Variants in PIK3R3 observed in about 807,000 individuals in gnomAD.
The protein encoded by PIK3R3 is phosphoinositide-3-kinase regulatory subunit 3.
In PIK3R3, 64 loss-of-function variants were observed where a neutral mutation model predicts 62.9. The observed-to-expected ratio is 1.02, with a 90% CI of 0.83 to 1.25. The LOEUF (loss-of-function observed/expected upper bound fraction) is 1.25, where lower values mean the gene tolerates loss of function less well. Among genes scored for constraint, PIK3R3 ranks in the 50% most tolerant of loss-of-function variants. The pLI is 0.00. For synonymous variants in PIK3R3, 165 were observed against 189.0 expected (o/e 0.87, Z 1.04); for missense variants, 614 against 561.6 (o/e 1.09, Z -0.94).
chr1:46,158,437 C>T, the PIK3R3 span, among the ~76,000 whole-genome samples: 1 of 152,374 alleles, frequency 6.6e-6, no homozygotes, highest in African/African-American at 2.4e-5. Flanking sequence ...TTCATCCACC[C>T]TCAGAGGTCA....
At chr1:46,144,892 A>G in the PIK3R3 span, among the ~76,000 whole-genome samples, 2 of 152,064 alleles carry the variant, frequency 1.3e-5, no homozygotes, top group African/African-American at 4.8e-5. Context: ...TGGAAGGCTG[A>G]GGCGGGTAGA....
rs1440134673 is a variant in PIK3R3 at position 46,046,546 on chromosome 1, C to T, written c.1016+5G>A. 1 of 1,596,388 alleles carries T rather than the reference C, an allele frequency of 6.3e-7. No homozygotes were observed. The highest frequency in any genetic ancestry group is 8.6e-7 in the Non-Finnish European group (1 of 1,163,796). ...CTCTGACAGAAAGGTATAGAGAGAA[C>T]TTACTCATCAGCATCCTCATTCTTA... On this transcript the variant is annotated splice_donor_5th_base_variant and intron_variant, in intron 8 of 9. Coordinates refer to ENST00000262741, the MANE Select transcript of PIK3R3 (RefSeq NM_003629.4).
chr1:46,132,937 C>A (rs1228814600), upstream of PIK3R3: 2 of 1,162,420 alleles, frequency 1.7e-6, no homozygotes, highest in African/African-American at 1.6e-5. Context: ...GGGCGCTGGC[C>A]GCACTCCAGG....
At chr1:46,117,295 T>C (rs1008993671) in intron 1 of PIK3R3, among the ~76,000 whole-genome samples, 3 of 152,096 alleles carry the variant, frequency 2.0e-5, no homozygotes, top group Non-Finnish European at 2.9e-5. Flanking sequence ...TAGCTAGGTA[T>C]GGTGGCACGC....
intron 1 of PIK3R3, among the ~76,000 whole-genome samples, chr1:46,092,760 CAGTA>C (rs1490793123): frequency 6.6e-6 from 1 of 152,092 alleles, no homozygotes; most frequent in Admixed American, 6.6e-5. Context: ...TCTTTCACCT[CAGTA>C]AGACCTCTAA....
chr1:46,164,310 A>G, the PIK3R3 span, among the ~76,000 whole-genome samples: 1 of 152,040 alleles, frequency 6.6e-6, no homozygotes. Context: ...CTCAATTCCC[A>G]TTCAATTCAT....
At chr1:46,064,430 A>G (rs1172289570) in intron 5 of PIK3R3, among the ~76,000 whole-genome samples, 1 of 151,818 alleles carries the variant, frequency 6.6e-6, no homozygotes, top group Non-Finnish European at 1.5e-5. Flanking sequence ...AATCCCAGCT[A>G]TTCGGGAGGC....
At chr1:46,091,146 T>C (rs1262434673) in intron 1 of PIK3R3, among the ~76,000 whole-genome samples, 1 of 150,000 alleles carries the variant, frequency 6.7e-6, no homozygotes, top group Non-Finnish European at 1.5e-5. Context: ...AACTTTTTTT[T>C]TTTTTTTTTT....
At position 46,132,270 on chromosome 1, in the gene PIK3R3, G is replaced by T; in HGVS notation, c.-318C>A. The T allele has an allele frequency of 8.9e-7, 1 of 1,128,142 alleles. No individual in the cohort carries two copies. Among genetic ancestry groups the T allele is most frequent in the Middle Eastern group, 4.1e-4 (1 of 2,452 alleles). The allele number at this position is 1,128,142 out of a possible 1,614,324, so 69.9% of individuals were successfully genotyped here. A position where few individuals can be genotyped will look rare whatever the true frequency, so the allele number is the denominator to read the frequency against. The stretch of plus-strand genomic sequence containing the variant: ...ATCCTTTCTACACAGTCGCTCTCCG[G>T]GGAGAAAAGCTCCCACCGCCTCCAA... On this transcript the variant is annotated 5_prime_UTR_variant, in exon 1 of 10. Transcript: ENST00000262741.
At chr1:46,137,520 T>C (rs776834614), upstream of PIK3R3, among the ~76,000 whole-genome samples, 32 of 152,222 alleles carry the variant, frequency 2.1e-4, no homozygotes, top group Non-Finnish European at 4.3e-4. Context: ...CACAATTAAC[T>C]CTAAGCCTGA....
intron 1 of PIK3R3, among the ~76,000 whole-genome samples, chr1:46,125,687 C>T (rs1304497568): frequency 6.6e-6 from 1 of 152,040 alleles, no homozygotes; most frequent in Non-Finnish European, 1.5e-5. Context: ...TCAGAAGATA[C>T]TTTACTAGGT....
At chr1:46,122,478 T>C (rs1654762336) in intron 1 of PIK3R3, among the ~76,000 whole-genome samples, 1 of 152,160 alleles carries the variant, frequency 6.6e-6, no homozygotes, top group Non-Finnish European at 1.5e-5. Flanking sequence ...CAAGCGATTC[T>C]CCTGCCTCAG....
chr1:46,043,919 T>TA (rs1386847113), intron 9 of PIK3R3, 48 bp from the exon 10 acceptor site: 1 of 1,486,982 alleles, frequency 6.7e-7, no homozygotes, highest in Non-Finnish European at 9.2e-7. Context: ...TAACAATAGA[T>TA]AAAAGGACAC....
At position 46,132,623 on chromosome 1, in the gene PIK3R3, T is replaced by C. The variant is rs1655725962; in HGVS notation, c.-671A>G. ...CCGACCGCACCAACTGCCCTCAAGC[T>C]CTGCCCGGACTCCAGCCACTAGAGT... On this transcript the variant is annotated 5_prime_UTR_variant, in exon 1 of 10. Transcript: ENST00000262741. The C allele has an allele frequency of 3.9e-6, 5 of 1,289,562 alleles. No homozygotes were observed. Among genetic ancestry groups the C allele is most frequent in the Non-Finnish European group, 5.1e-6 (5 of 988,752 alleles). The allele number at this position is 1,289,562 out of a possible 1,614,324, so 79.9% of individuals were successfully genotyped here. A position where few individuals can be genotyped will look rare whatever the true frequency, so the allele number is the denominator to read the frequency against.
chr1:46,094,885 A>C (rs969745972), intron 1 of PIK3R3, among the ~76,000 whole-genome samples: 5 of 152,204 alleles, frequency 3.3e-5, no homozygotes, highest in Non-Finnish European at 5.9e-5. Flanking sequence ...GAGAGAGAAA[A>C]CTGTGCCATT....
rs528045890 is a variant in PIK3R3, at chr1:46,050,854, C to G, written c.942-4229G>C. Among the ~76,000 whole-genome samples the G allele has an allele frequency of 7.9e-5, 12 of 152,304 alleles. 1 individual carries two copies. The South Asian group carries it at 8.3e-4, about 11-fold the overall frequency. On this transcript the variant is annotated intron_variant, in intron 7 of 9. Transcript: ENST00000262741. ...AACAAAATGTGGTATAACTATACAA[C>G]AGACTATTATTTGGCCATAAAAAGG...
chr1:46,055,992 T>C, intron 6 of PIK3R3, 21 bp from the exon 7 acceptor site: 2 of 1,528,446 alleles, frequency 1.3e-6, no homozygotes. Flanking sequence ...ATTTGACATG[T>C]TAAGGCTAAA....
chr1:46,094,071 A>C (rs1157431534), intron 1 of PIK3R3, among the ~76,000 whole-genome samples: 1 of 151,614 alleles, frequency 6.6e-6, no homozygotes, highest in Non-Finnish European at 1.5e-5. Flanking sequence ...CCTGTCTCAA[A>C]AAAAAAAAAA....
chr1:46,130,252 G>T (rs1446403959), intron 1 of PIK3R3, among the ~76,000 whole-genome samples: 1 of 152,064 alleles, frequency 6.6e-6, no homozygotes, highest in African/African-American at 2.4e-5. Flanking sequence ...CAGGAATCTA[G>T]AATTATTAAC....
Sources: gnomAD v4.1 joint callset for allele counts (sites outside exome capture counted in the v4.1 genomes callset) on GRCh38, gnomAD v4.1.1 for gene constraint, MANE v1.5 for transcripts, NCBI Gene and HGNC (gene_info 2026-07-23, HGNC 2026-07-21) for gene names.